Variants in ARHGAP22 observed in about 807,000 individuals in gnomAD.
ARHGAP22 encodes rho GTPase-activating protein 22.
A neutral mutation model predicts 59.1 loss-of-function variants in ARHGAP22; 48 were observed. That is an observed-to-expected ratio of 0.81 (90% CI 0.64 to 1.03). ARHGAP22 has a LOEUF of 1.03. Ranked by LOEUF, ARHGAP22 falls within the 50% of genes least tolerant of loss-of-function variation. ARHGAP22 has a pLI of 0.00. For missense variants in ARHGAP22, 1,015 were observed against 958.7 expected (o/e 1.06, Z -0.78); for synonymous variants, 445 against 416.4 (o/e 1.07, Z -0.84).
intron 9 of ARHGAP22, among the ~76,000 whole-genome samples, chr10:48,449,772 A>G (rs935275): frequency 0.94 from 142,453 of 152,274 alleles, 67,284 homozygotes; most frequent in East Asian, 1. Context: ...ACAAGGGCGG[A>G]CACGAGGGCT....
At chr10:48,506,162 T>C (rs575135146) in intron 3 of ARHGAP22, among the ~76,000 whole-genome samples, 7 of 152,304 alleles carry the variant, frequency 4.6e-5, no homozygotes, top group Admixed American at 3.3e-4. Flanking sequence ...TCAAGTTCTT[T>C]AGGTTCTTAT....
intron 1 of ARHGAP22, among the ~76,000 whole-genome samples, chr10:48,634,556 G>A (rs1031430825): frequency 6.6e-6 from 1 of 152,170 alleles, no homozygotes; most frequent in Admixed American, 6.5e-5. Context: ...GGGTGGGTGA[G>A]CCTGGGCTTC....
chr10:48,639,701 A>G (rs950380467), intron 1 of ARHGAP22, among the ~76,000 whole-genome samples: 14 of 152,388 alleles, frequency 9.2e-5, no homozygotes, highest in African/African-American at 3.1e-4. Flanking sequence ...TAGGCAAGTT[A>G]TTAAACAAAT....
chr10:48,627,256 C>T (rs923230055), intron 1 of ARHGAP22, among the ~76,000 whole-genome samples: 3 of 152,164 alleles, frequency 2.0e-5, no homozygotes, highest in African/African-American at 7.2e-5. Flanking sequence ...ATTATCAAAC[C>T]TGAGGAGGGG....
intron 3 of ARHGAP22, among the ~76,000 whole-genome samples, chr10:48,548,609 A>G (rs1242156416): frequency 6.6e-6 from 1 of 152,132 alleles, no homozygotes; most frequent in Non-Finnish European, 1.5e-5. Flanking sequence ...GTGCCAAAGC[A>G]GGCCTCTCCA....
downstream of ARHGAP22, chr10:48,445,334 C>T (rs565121244): frequency 6.6e-6 from 1 of 152,364 alleles, no homozygotes; most frequent in Non-Finnish European, 1.5e-5. Context: ...AGGGGCCAGC[C>T]ACACATCAGG....
intron 1 of ARHGAP22, among the ~76,000 whole-genome samples, chr10:48,635,330 G>C (rs1389711606): frequency 6.6e-6 from 1 of 152,222 alleles, no homozygotes; most frequent in Non-Finnish European, 1.5e-5. Context: ...AAAATGCCTG[G>C]GGTTTAGGTT....
In ARHGAP22 at chr10:48,568,364, G is replaced by A. The variant is rs866100839; in HGVS notation, c.235-12814C>T. 5.9e-5 allele frequency among the ~76,000 whole-genome samples: 9 copies of A among 152,182 alleles called. No individual in the cohort carries two copies. The South Asian group carries it at 8.3e-4, about 14-fold the overall frequency. On this transcript the variant is annotated intron_variant, in intron 2 of 9. Coordinates refer to ENST00000249601, the MANE Select transcript of ARHGAP22 (RefSeq NM_021226.4). ...CATGAGATCCTGGGAGTTTGCAAAC[G>A]ACCCTGCTTCCTCCTTGGCTTACTG...
chr10:48,554,685 G>C (rs1225445211), intron 3 of ARHGAP22, among the ~76,000 whole-genome samples: 2 of 152,162 alleles, frequency 1.3e-5, no homozygotes, highest in Non-Finnish European at 2.9e-5. Flanking sequence ...TGGGTGGGTA[G>C]AGCCCCAGCC....
At chr10:48,468,372 A>C (rs1490149716) in intron 4 of ARHGAP22, among the ~76,000 whole-genome samples, 1 of 152,210 alleles carries the variant, frequency 6.6e-6, no homozygotes, top group Non-Finnish European at 1.5e-5. Flanking sequence ...TTCTTTTACC[A>C]GGAAGGCAGA....
intron 2 of ARHGAP22, among the ~76,000 whole-genome samples, chr10:48,564,713 C>A (rs989740381): frequency 3.3e-5 from 5 of 152,220 alleles, no homozygotes; most frequent in African/African-American, 7.2e-5. Context: ...GAATGCCCAT[C>A]CATCATTTTC....
At chr10:48,531,233 G>T (rs1201793507) in intron 3 of ARHGAP22, among the ~76,000 whole-genome samples, 1 of 152,202 alleles carries the variant, frequency 6.6e-6, no homozygotes, top group Non-Finnish European at 1.5e-5. Flanking sequence ...GGATGCAAAG[G>T]CATAAGAATG....
intron 3 of ARHGAP22, among the ~76,000 whole-genome samples, chr10:48,506,056 C>T (rs867985154): frequency 1.3e-5 from 2 of 152,214 alleles, no homozygotes; most frequent in Admixed American, 6.5e-5. Context: ...TCCCTCTTCA[C>T]GAGGAGTTCC....
At chr10:48,431,958 T>TA in the ARHGAP22 span, among the ~76,000 whole-genome samples, 106 of 152,322 alleles carry the variant, frequency 7.0e-4, no homozygotes, top group African/African-American at 2.2e-3. Flanking sequence ...GCACACATGT[T>TA]ATGGATGAGG....
At chr10:48,434,200 A>T in the ARHGAP22 span, among the ~76,000 whole-genome samples, 1 of 152,194 alleles carries the variant, frequency 6.6e-6, no homozygotes, top group Admixed American at 6.5e-5. Context: ...ATAAATCCAT[A>T]TTTCTGCTTA....
chr10:48,518,465 C>T (rs1192594416), intron 3 of ARHGAP22, among the ~76,000 whole-genome samples: 1 of 152,178 alleles, frequency 6.6e-6, no homozygotes, highest in Non-Finnish European at 1.5e-5. Context: ...AGTGAGCAAA[C>T]AACAGGGGTC....
upstream of ARHGAP22, among the ~76,000 whole-genome samples, chr10:48,606,743 C>T (rs1365372312): frequency 6.6e-6 from 1 of 152,214 alleles, no homozygotes; most frequent in Admixed American, 6.5e-5. Context: ...CCCTTCCTCA[C>T]ATTGCCTTGT....
chr10:48,613,916 G>A (rs2060986547), intron 1 of ARHGAP22, among the ~76,000 whole-genome samples: 1 of 152,208 alleles, frequency 6.6e-6, no homozygotes, highest in South Asian at 2.1e-4. Flanking sequence ...ATTATTGTGA[G>A]ATTGGATTGT....
intron 3 of ARHGAP22, among the ~76,000 whole-genome samples, chr10:48,499,491 G>A (rs2051290125): frequency 6.6e-6 from 1 of 152,200 alleles, no homozygotes; most frequent in South Asian, 2.1e-4. Flanking sequence ...TATACTCAAA[G>A]CCAACACTGC....
Sources: gnomAD v4.1 joint callset for allele counts (sites outside exome capture counted in the v4.1 genomes callset) on GRCh38, gnomAD v4.1.1 for gene constraint, MANE v1.5 for transcripts, NCBI Gene and HGNC (gene_info 2026-07-23, HGNC 2026-07-21) for gene names.